Variants in ZNF28 observed in about 807,000 individuals in gnomAD.
ZNF28 encodes the protein zinc finger protein KOX24.
A neutral mutation model predicts 7.2 loss-of-function variants in ZNF28; 5 were observed. That is an observed-to-expected ratio of 0.70 (90% confidence interval 0.36 to 1.46). The LOEUF (loss-of-function observed/expected upper bound fraction) is 1.46. Ranked by LOEUF, ZNF28 falls within the 40% of genes most tolerant of loss-of-function variation. The pLI is 0.03. For synonymous variants in ZNF28, 288 were observed against 292.4 expected, an observed-to-expected ratio of 0.99 and a Z score of 0.15; for missense variants, 879 against 866.6, an observed-to-expected ratio of 1.01 and a Z score of -0.18.
Position 52,800,495 on chromosome 19 carries a change from T to C in ZNF28, c.1350A>G (p.Gln450=), listed in dbSNP as rs576548726. 2.3e-5 allele frequency: 37 copies of C among 1,613,646 alleles called. No individual in the cohort carries two copies. In the South Asian group the frequency reaches 3.7e-4, roughly 16 times the overall value. The change falls in exon 4 of 4, where the codon CAA becomes CAG. Residue 450 remains glutamine (Q), a synonymous_variant. Transcript: ENST00000457749. ...TATGATGGCGTGCAAGAGTTGATTG[T>C]TGATTAAAAACCTTGCCACATTCAT... ...KCNECGKVFN[Q]QSTLARHHRL...
rs1033114309 is a variant in ZNF28, at chr19:52,798,965, T to A, written c.*723A>T. 51 of 1,308,546 alleles carry A rather than the reference T, an allele frequency of 3.9e-5. No homozygotes were observed. Among genetic ancestry groups the A allele is most frequent in the Non-Finnish European group, 5.1e-5 (49 of 960,232 alleles). The allele number at this position is 1,308,546 out of a possible 1,614,324, so 81.1% of individuals were successfully genotyped here. The stretch of plus-strand genomic sequence containing the variant: ...TTTCTCTCCAGTGTGAATTCTAGTA[T>A]GGTGTGCCAGGTGTGAATCACTCCC... On this transcript the variant is annotated 3_prime_UTR_variant, in exon 4 of 4. Transcript: ENST00000457749.
In ZNF28 at chr19:52,808,070, G is replaced by C; in HGVS notation, c.79C>G (p.Pro27Ala). 2 of 1,613,514 alleles carry C rather than the reference G, an allele frequency of 1.2e-6. No homozygotes were observed. The highest frequency in any genetic ancestry group is 1.7e-4 in the Middle Eastern group (1 of 6,060). ...FSQEEWKCLDPAQRTLYRDVM... is the reference protein window; with the variant it reads ...FSQEEWKCLDAAQRTLYRDVM... ...TCCCTGTAAAGAGTCCTCTGAGCAGGGTCCAGGCATTTCCACTCCTCCTGA... is the reference window on the plus strand; with the variant it reads ...TCCCTGTAAAGAGTCCTCTGAGCAGCGTCCAGGCATTTCCACTCCTCCTGA... Residue 27 changes from proline to alanine, a missense_variant, in exon 3 of 4, where the codon CCT becomes GCT. By Grantham distance (27) the Pro-to-Ala change is conservative (BLOSUM62 -1). Around this residue, in one of 2 missense-constraint regions of ZNF28, gnomAD observed 864 missense variants for 830.2 expected, o/e 1.04. Transcript: ENST00000457749.
rs760149656 is a variant in ZNF28 at position 52,800,097 on chromosome 19, A to G, written c.1748T>C (p.Val583Ala). Residue 583 changes from valine to alanine, a missense_variant, in exon 4 of 4, where the codon GTT becomes GCT. Val to Ala is a moderately conservative substitution (Grantham distance 64). Transcript: ENST00000457749. ...ATCCCTCCGGAAAGCCTTGTCACAA[A>G]CCTTACATTTGTACGGTTTCTCTCC... is the stretch of plus-strand genomic sequence containing the variant. ...HTGEKPYKCK[V>A]CDKAFRRDSH... is the part of the protein sequence containing the mutation. 2.5e-6 allele frequency: 4 copies of G among 1,613,694 alleles called. No individual in the cohort carries two copies. The highest frequency in any genetic ancestry group is 3.4e-6 in the Non-Finnish European group (4 of 1,179,864).
intron 2 of ZNF28, among the ~76,000 whole-genome samples, chr19:52,817,395 G>C (rs2063140830): frequency 6.6e-6 from 1 of 151,736 alleles, no homozygotes; most frequent in Admixed American, 6.6e-5. Context: ...AATAATGAAG[G>C]AATCATTAAT....
chr19:52,804,470 C>A lies in ZNF28; in HGVS notation c.143-2768G>T, dbSNP rs375718811. Among the ~76,000 whole-genome samples, 144 of 152,124 alleles carry A rather than the reference C, an allele frequency of 9.5e-4. 2 individuals carry two copies. The highest frequency in any genetic ancestry group is 3.3e-3 in the African/African-American group (136 of 41,498). On this transcript the variant is annotated intron_variant, in intron 3 of 3. Transcript: ENST00000457749. ...ACTGCAACCTCCACCTCCTGGGTTC[C>A]AGTGATTCTCCTGCCTCAACCTCCC... is the stretch of plus-strand genomic sequence containing the variant.
chr19:52,816,491 C>T (rs1456140447), intron 2 of ZNF28, among the ~76,000 whole-genome samples: 2 of 144,986 alleles, frequency 1.4e-5, no homozygotes, highest in African/African-American at 2.7e-5. Flanking sequence ...GGTGAAACCC[C>T]GTCTCTACTA....
intron 2 of ZNF28, chr19:52,814,452 C>T (rs190195740): frequency 6.9e-5 from 10 of 145,602 alleles, no homozygotes; most frequent in Non-Finnish European, 1.2e-4. Context: ...AAATTAGCCA[C>T]GGGTGATGGC....
chr19:52,803,871 C>T (rs2147624985), intron 3 of ZNF28, among the ~76,000 whole-genome samples: 1 of 152,192 alleles, frequency 6.6e-6, no homozygotes. Flanking sequence ...AGGCAGAAAA[C>T]ATTTGTACCC....
At chr19:52,815,582 T>C (rs2063112752) in intron 2 of ZNF28, among the ~76,000 whole-genome samples, 1 of 146,578 alleles carries the variant, frequency 6.8e-6, no homozygotes, top group Non-Finnish European at 1.5e-5. Context: ...CCCAGCACTT[T>C]GGGAGGCCGA....
In ZNF28 at chr19:52,800,850, C is replaced by T; in HGVS notation, c.995G>A (p.Cys332Tyr). 6.2e-7 allele frequency: 1 copy of T among 1,614,004 alleles called. No homozygotes were observed. The highest frequency in any genetic ancestry group is 8.5e-7 in the Non-Finnish European group (1 of 1,179,948). Residue 332 changes from cysteine to tyrosine, a missense_variant, in exon 4 of 4, where the codon TGT becomes TAT. Physicochemically the swap from Cys to Tyr is radical, Grantham distance 194 (BLOSUM62 -2). Coordinates refer to ENST00000457749, the MANE Select transcript of ZNF28 (RefSeq NM_006969.5). ...TGAATTACATGTGAAAGCTTTGTCA[C>T]AAACCTTACATTTGTATGGTTTCCC... ...TGGKPYKCKVCDKAFTCNSYL... is the reference protein window; with the variant it reads ...TGGKPYKCKVYDKAFTCNSYL...
rs758958276 is a variant in ZNF28 at position 52,801,483 on chromosome 19, C to G, written c.362G>C (p.Gly121Ala). ...APMTEIKELTGSTGQHDQRHA... is the reference protein window; with the variant it reads ...APMTEIKELTASTGQHDQRHA... Reference sequence around the variant, plus strand: ...CCTTTGATCATGTTGGCCTGTACTACCAGTCAACTCTTTGATTTCTGTCAT... The same window carrying G: ...CCTTTGATCATGTTGGCCTGTACTAGCAGTCAACTCTTTGATTTCTGTCAT... The change falls in exon 4 of 4, where the codon GGT becomes GCT. Residue 121 changes from glycine to alanine, a missense_variant. By Grantham distance (60) the Gly-to-Ala change is moderately conservative. Transcript: ENST00000457749. 3.1e-6 allele frequency: 5 copies of G among 1,614,132 alleles called. No individual in the cohort carries two copies. The South Asian group carries it at 5.5e-5, about 18-fold the overall frequency.
At chr19:52,819,855 T>TA (rs2063173064) in intron 1 of ZNF28, among the ~76,000 whole-genome samples, 1 of 143,010 alleles carries the variant, frequency 7.0e-6, no homozygotes. Context: ...TGCAGCAGTG[T>TA]AAACACACAG....
Position 52,798,916 on chromosome 19 carries a change from G to T in ZNF28, c.*772C>A. On this transcript the variant is annotated 3_prime_UTR_variant, in exon 4 of 4. Transcript: ENST00000457749. ...GTGGTGACTGCCCACTAAAGGCTTT[G>T]CCACACTCATTGCACTTGTAAGGTT... 1 of 1,437,282 alleles carries T rather than the reference G, an allele frequency of 7.0e-7. No individual in the cohort carries two copies. Among genetic ancestry groups the T allele is most frequent in the Non-Finnish European group, 9.4e-7 (1 of 1,063,090 alleles). The allele number at this position is 1,437,282 out of a possible 1,614,324, so 89.0% of individuals were successfully genotyped here.
intron 1 of ZNF28, among the ~76,000 whole-genome samples, chr19:52,820,440 T>A (rs1167060437): frequency 2.6e-5 from 4 of 151,380 alleles, no homozygotes; most frequent in African/African-American, 4.9e-5. Context: ...TTGTTGGTCC[T>A]TCTCCCCAAT....
chr19:52,811,909 G>A (rs1465389060), intron 2 of ZNF28, among the ~76,000 whole-genome samples: 3 of 114,160 alleles, frequency 2.6e-5, no homozygotes, highest in Admixed American at 8.1e-5. Flanking sequence ...CCCCCCGCCC[G>A]GCCAGCCGCC....
At chr19:52,819,345 C>A (rs1210005032) in intron 1 of ZNF28, among the ~76,000 whole-genome samples, 1 of 145,720 alleles carries the variant, frequency 6.9e-6, no homozygotes, top group Non-Finnish European at 1.5e-5. Context: ...ACAAAGTCCT[C>A]CGAAGATGGT....
At chr19:52,807,122 G>C (rs2062946971) in intron 3 of ZNF28, among the ~76,000 whole-genome samples, 1 of 152,012 alleles carries the variant, frequency 6.6e-6, no homozygotes, top group African/African-American at 2.4e-5. Flanking sequence ...CCACCCATCT[G>C]GATTTTTTTG....
Position 52,809,005 on chromosome 19 carries a change from T to C in ZNF28, c.16-872A>G, listed in dbSNP as rs73588384. Among the ~76,000 whole-genome samples the C allele has an allele frequency of 1.5e-3, 236 of 152,266 alleles. 2 individuals carry two copies. Among genetic ancestry groups the C allele is most frequent in the Middle Eastern group, 6.8e-3 (2 of 294 alleles). On this transcript the variant is annotated intron_variant, in intron 2 of 3. Transcript: ENST00000457749. ...ATATACAGATGTGTGTATATATGTA[T>C]TTGTATGTATATGTGTGTGCATGTG...
At chr19:52,809,679 G>A (rs976507132) in intron 2 of ZNF28, 2 of 360,620 alleles carry the variant, frequency 5.5e-6, no homozygotes, top group Non-Finnish European at 9.9e-6. Flanking sequence ...GGTGTTGGCT[G>A]CCTGTAATCT....
Sources: gnomAD v4.1 joint callset for allele counts (sites outside exome capture counted in the v4.1 genomes callset) on GRCh38, gnomAD v4.1.1 for gene constraint, gnomAD v4.1.1 regional missense constraint, MANE v1.5 for transcripts, NCBI Gene and HGNC (gene_info 2026-07-23, HGNC 2026-07-21) for gene names.